Variants in DST observed in about 807,000 individuals in gnomAD.
The protein encoded by DST is dystonin, also known as bullous pemphigoid antigen.
Under a neutral mutation model 875.2 loss-of-function variants are expected in DST, and 253 were observed. That is an observed-to-expected ratio of 0.29 (90% CI 0.26 to 0.32). The LOEUF (loss-of-function observed/expected upper bound fraction) is 0.32, where lower values mean the gene tolerates loss of function less well. Ranked by LOEUF, DST falls within the 10% of genes least tolerant of loss-of-function variation. The pLI is 1.00. For synonymous variants in DST, 3,124 were observed against 3,197.1 expected (o/e 0.98, Z 0.77); for missense variants, 8,287 against 9,111.6 (o/e 0.91, Z 3.68).
At chr6:56,772,575 A>C (rs1233291217) in intron 4 of DST, among the ~76,000 whole-genome samples, 1 of 152,250 alleles carries the variant, frequency 6.6e-6, no homozygotes, top group Admixed American at 6.5e-5. Context: ...TAAAACTGCT[A>C]ATTATTTTAT....
At chr6:56,832,413 TTGTC>T (rs2099788218) in intron 4 of DST, among the ~76,000 whole-genome samples, 1 of 151,976 alleles carries the variant, frequency 6.6e-6, no homozygotes, top group Non-Finnish European at 1.5e-5. Context: ...TTCTTTCTCT[TTGTC>T]TGCTGCCATC....
chr6:56,780,372 T>G (rs1032426015), intron 4 of DST, among the ~76,000 whole-genome samples: 5 of 151,770 alleles, frequency 3.3e-5, no homozygotes, highest in African/African-American at 9.7e-5. Flanking sequence ...TTTCTCCACA[T>G]CCTCTCCAGC....
intron 2 of DST, among the ~76,000 whole-genome samples, chr6:56,939,562 C>T (rs1270799125): frequency 2.0e-5 from 3 of 152,170 alleles, no homozygotes; most frequent in Non-Finnish European, 4.4e-5. Context: ...AGAAAAATTA[C>T]TTACATAAAG....
intron 101 of DST, 112 bp from the exon 102 acceptor site, chr6:56,463,268 T>C: frequency 1.5e-6 from 1 of 658,774 alleles, no homozygotes; most frequent in Admixed American, 3.1e-5. Context: ...AATAATAATT[T>C]AAAATAAGTG....
In DST at chr6:56,607,367, TATC is replaced by T; in HGVS notation, c.7258_7260del (p.Asp2420del). The T allele has an allele frequency of 3.1e-6, 5 of 1,613,036 alleles. No individual in the cohort carries two copies. The highest frequency in any genetic ancestry group is 4.2e-6 in the Non-Finnish European group (5 of 1,179,622). On this transcript the variant is annotated inframe_deletion, in exon 40 of 104. Transcript: ENST00000680361. ...AAGATAGGTGAATCCCTGTTTGTAT[TATC>T]TTCATTCTCTGTTTCATTCACACCA...
intron 72 of DST, among the ~76,000 whole-genome samples, chr6:56,512,794 T>C (rs1340920707): frequency 1.3e-5 from 2 of 152,188 alleles, no homozygotes; most frequent in African/African-American, 2.4e-5. Context: ...AAAGACTGCC[T>C]CAAAATAGTT....
chr6:56,523,122 G>A (rs1032100507), intron 69 of DST, among the ~76,000 whole-genome samples: 1 of 151,944 alleles, frequency 6.6e-6, no homozygotes, highest in African/African-American at 2.4e-5. Context: ...GTAATGAATG[G>A]GCCCAACTAC....
intron 2 of DST, among the ~76,000 whole-genome samples, chr6:56,903,463 T>TA (rs1180212101): frequency 6.6e-6 from 1 of 152,126 alleles, no homozygotes; most frequent in Non-Finnish European, 1.5e-5. Context: ...ATTTATGATA[T>TA]AAAAAAATTT....
At chr6:56,513,030 C>T (rs1241702976) in intron 72 of DST, among the ~76,000 whole-genome samples, 1 of 152,148 alleles carries the variant, frequency 6.6e-6, no homozygotes, top group Non-Finnish European at 1.5e-5. Context: ...AAAAGGAAAA[C>T]TGAAGATGTT....
chr6:56,554,366 G>A (rs183272336), intron 60 of DST, among the ~76,000 whole-genome samples: 1 of 152,176 alleles, frequency 6.6e-6, no homozygotes, highest in Admixed American at 6.5e-5. Flanking sequence ...TTACAGGTGT[G>A]AGCCACCGCT....
intron 3 of DST, among the ~76,000 whole-genome samples, chr6:56,861,424 T>C (rs1771094908): frequency 6.6e-6 from 1 of 152,204 alleles, no homozygotes; most frequent in Non-Finnish European, 1.5e-5. Flanking sequence ...ATGCTTCATA[T>C]TGCATGGTAG....
intron 4 of DST, among the ~76,000 whole-genome samples, chr6:56,735,955 C>G (rs1156786847): frequency 6.6e-6 from 1 of 152,104 alleles, no homozygotes; most frequent in Non-Finnish European, 1.5e-5. Flanking sequence ...GCCTCCTGGG[C>G]TCAAGCAATT....
Position 56,798,579 on chromosome 6 carries a change from G to GT in DST, c.625+52817dup, listed in dbSNP as rs577675162. On this transcript the variant is annotated intron_variant, in intron 4 of 103. Transcript: ENST00000680361. ...GATGGAGAGGTACAAGCAAATCAAT[G>GT]TTTTTTTCATTCCTAATAGCATAAC... is the stretch of plus-strand genomic sequence containing the variant. Among the ~76,000 whole-genome samples the GT allele has an allele frequency of 3.6e-4, 55 of 152,220 alleles. No individual in the cohort carries two copies. The East Asian group carries it at 9.8e-3, about 27-fold the overall frequency.
intron 61 of DST, among the ~76,000 whole-genome samples, chr6:56,537,675 C>T (rs1246437617): frequency 6.6e-6 from 1 of 152,156 alleles, no homozygotes; most frequent in Non-Finnish European, 1.5e-5. Flanking sequence ...GTCATTGTCA[C>T]CCATACCTGC....
rs765098959 is a variant in DST at position 56,517,232 on chromosome 6, G to T, written c.18323C>A (p.Thr6108Asn). ...DLVKSGHKIMTACSEEEKQSM... is the reference protein window; with the variant it reads ...DLVKSGHKIMNACSEEEKQSM... ...TTGCTTTTCCTCTTCACTGCATGCGGTCATGATTTTATGCCCAGATTTAAC... is the reference window on the plus strand; with the variant it reads ...TTGCTTTTCCTCTTCACTGCATGCGTTCATGATTTTATGCCCAGATTTAAC... The change falls in exon 71 of 104, where the codon ACC (threonine) becomes AAC (asparagine). Residue 6108 changes from threonine to asparagine, a missense_variant. By Grantham distance (65) the Thr-to-Asn change is moderately conservative. Transcript: ENST00000680361. The T allele has an allele frequency of 6.2e-7, 1 of 1,613,034 alleles. No homozygotes were observed. Among genetic ancestry groups the T allele is most frequent in the Non-Finnish European group, 8.5e-7 (1 of 1,179,414 alleles).
Position 56,612,959 on chromosome 6 carries a change from G to T in DST, c.5059-1363C>A, listed in dbSNP as rs183294074. On this transcript the variant is annotated intron_variant, in intron 37 of 103. Coordinates refer to ENST00000680361, the MANE Select transcript of DST (RefSeq NM_001374736.1). ...CAGGAGGATCACTTGAGCTTGGGAGGTTGCGGCTCCAGTGAGCTGTGATCA... is the reference window on the plus strand; with the variant it reads ...CAGGAGGATCACTTGAGCTTGGGAGTTTGCGGCTCCAGTGAGCTGTGATCA... 2.9e-3 allele frequency among the ~76,000 whole-genome samples: 436 copies of T among 152,072 alleles called. 2 individuals carry two copies. The highest frequency in any genetic ancestry group is 8.9e-3 in the African/African-American group (370 of 41,478).
chr6:56,811,180 T>C, intron 4 of DST, among the ~76,000 whole-genome samples: 1 of 96,158 alleles, frequency 1.0e-5, no homozygotes. Context: ...CAAGACCCTG[T>C]CTCAAAAAAA....
In DST at chr6:56,698,529, G is replaced by A. The variant is rs555632286; in HGVS notation, c.1047+1124C>T. Among the ~76,000 whole-genome samples the A allele has an allele frequency of 1.1e-4, 17 of 152,170 alleles. No individual in the cohort carries two copies. The South Asian group carries it at 2.3e-3, about 20-fold the overall frequency. ...TCTTAGTAGAGACGGGGTTTCACCC[G>A]TTAGCTAGGATGGTCTTGATCTCCT... On this transcript the variant is annotated intron_variant, in intron 9 of 103. Coordinates refer to ENST00000680361, the MANE Select transcript of DST (RefSeq NM_001374736.1).
Position 56,703,639 on chromosome 6 carries a change from G to A in DST, c.876+9C>T, listed in dbSNP as rs776332569. ...GCTAGGTTAGTCAAGTTATGGGGGC[G>A]ACACCTACCCCCTTATCCTCATCCT... On this transcript the variant is annotated intron_variant, in intron 7 of 103. Transcript: ENST00000680361. The A allele has an allele frequency of 1.6e-4, 152 of 968,082 alleles. 1 individual carries two copies. Among genetic ancestry groups the A allele is most frequent in the Non-Finnish European group, 1.7e-4 (141 of 814,294 alleles). 60.0% of individuals were successfully genotyped at this position (968,082 alleles called of 1,614,324 possible). A position where few individuals can be genotyped will look rare whatever the true frequency, so the allele number is the denominator to read the frequency against.
Sources: gnomAD v4.1 joint callset for allele counts (sites outside exome capture counted in the v4.1 genomes callset) on GRCh38, gnomAD v4.1.1 for gene constraint, MANE v1.5 for transcripts, NCBI Gene and HGNC (gene_info 2026-07-23, HGNC 2026-07-21) for gene names.